GRIN1: variants seen among roughly 807,000 people sequenced by gnomAD.
The protein encoded by GRIN1 is glutamate ionotropic receptor NMDA type subunit 1.
In GRIN1, 38 loss-of-function variants were observed where a neutral mutation model predicts 103.0. The observed-to-expected ratio is 0.37, with a 90% CI of 0.28 to 0.48. GRIN1 has a LOEUF of 0.48. Among genes scored for constraint, GRIN1 ranks in the 20% least tolerant of loss-of-function variants. The pLI is 0.98. For missense variants in GRIN1, 577 were observed against 1,288.9 expected (o/e 0.45, Z 8.46); for synonymous variants, 544 against 532.7 (o/e 1.02, Z -0.29).
In GRIN1 at chr9:137,163,565, C is replaced by T. The variant is rs1289206449; in HGVS notation, c.2340C>T (p.His780=). The change falls in exon 17 of 20, where the codon CAC becomes CAT. Residue 780 remains histidine (H), a synonymous_variant. Transcript: ENST00000371561. The part of the protein sequence containing the change: ...QNVSLSILKS[H]ENGFMEDLDK... Reference sequence around the variant, plus strand: ...CACTTGTTCCCACCGCCAGGTCCCACGAGAATGGCTTCATGGAAGACCTGG... The same window carrying T: ...CACTTGTTCCCACCGCCAGGTCCCATGAGAATGGCTTCATGGAAGACCTGG... The T allele has an allele frequency of 1.9e-6, 3 of 1,610,904 alleles. No homozygotes were observed. Among genetic ancestry groups the T allele is most frequent in the East Asian group, 4.5e-5 (2 of 44,854 alleles).
In GRIN1 at chr9:137,166,987, C is replaced by A. The variant is rs1208149474; in HGVS notation, c.2701-424C>A. ...GTGACACTGGGTCCCAGGGCCCTGC[C>A]TGGAGCGAGGCCAGGTGCAGCTCAG... On this transcript the variant is annotated intron_variant, in intron 19 of 19. Coordinates refer to ENST00000371561, the MANE Select transcript of GRIN1 (RefSeq NM_007327.4). Among the ~76,000 whole-genome samples the A allele has an allele frequency of 3.3e-5, 5 of 152,188 alleles. No individual in the cohort carries two copies. The South Asian group carries it at 1.0e-3, about 31-fold the overall frequency.
rs79522155 is a variant in GRIN1, at chr9:137,143,265, C to G, written c.393+1118C>G. The stretch of plus-strand genomic sequence containing the variant: ...TCGCCCCAGCCAGGCCCAGGCTCTT[C>G]TGGGAGGATGGAAGGCCCCAGAGGC... On this transcript the variant is annotated intron_variant, in intron 2 of 19. Transcript: ENST00000371561. Among the ~76,000 whole-genome samples the G allele has an allele frequency of 4.2e-3, 639 of 152,378 alleles. 4 individuals are homozygous for G. Among genetic ancestry groups the G allele is most frequent in the African/African-American group, 0.015 (613 of 41,596 alleles).
At chr9:137,147,087 C>G (rs1444319855) in intron 3 of GRIN1, among the ~76,000 whole-genome samples, 1 of 151,424 alleles carries the variant, frequency 6.6e-6, no homozygotes, top group African/African-American at 2.4e-5. Context: ...CTCGACAGGC[C>G]CCTCACCTTC....
intron 2 of GRIN1, among the ~76,000 whole-genome samples, chr9:137,143,657 C>T (rs1386817421): frequency 6.6e-6 from 1 of 152,232 alleles, no homozygotes; most frequent in Non-Finnish European, 1.5e-5. Context: ...ACCGGCAAGG[C>T]CAGGTCAGAG....
At chr9:137,143,720 TAGAC>T (rs1287584903) in intron 2 of GRIN1, among the ~76,000 whole-genome samples, 2 of 152,170 alleles carry the variant, frequency 1.3e-5, no homozygotes, top group East Asian at 1.9e-4. Context: ...ACCAGGTGGA[TAGAC>T]AGAAGCAGGG....
At chr9:137,164,978 CA>C in intron 18 of GRIN1, 1 of 571,974 alleles carries the variant, frequency 1.7e-6, no homozygotes, top group African/African-American at 1.9e-5. Flanking sequence ...CCAGCCCCAG[CA>C]CGAGCAAGGT....
intron 4 of GRIN1, 150 bp from the exon 5 acceptor site, chr9:137,156,519 C>A: frequency 8.8e-7 from 1 of 1,136,746 alleles, no homozygotes; most frequent in Non-Finnish European, 1.2e-6. Flanking sequence ...GGGTTCTGGG[C>A]CGCAGCGCCT....
chr9:137,166,686 G>C (rs1401284450), intron 19 of GRIN1, among the ~76,000 whole-genome samples: 1 of 152,266 alleles, frequency 6.6e-6, no homozygotes, highest in Non-Finnish European at 1.5e-5. Context: ...TGGACAGTGA[G>C]AGCCTGTAGG....
At chr9:137,141,647 G>C (rs1454865379) in intron 1 of GRIN1, among the ~76,000 whole-genome samples, 32 of 152,114 alleles carry the variant, frequency 2.1e-4, no homozygotes, top group Non-Finnish European at 4.4e-5. Context: ...AGGACGGGTG[G>C]GTTCTGAGAA....
At chr9:137,163,466 T>G in intron 16 of GRIN1, 93 bp from the exon 17 acceptor site, 1 of 1,380,612 alleles carries the variant, frequency 7.2e-7, no homozygotes, top group Non-Finnish European at 1.0e-6. Flanking sequence ...CGCCGCACCC[T>G]ACCCCGCAGG....
intron 3 of GRIN1, among the ~76,000 whole-genome samples, chr9:137,147,295 C>T (rs1233577988): frequency 1.3e-5 from 2 of 151,692 alleles, no homozygotes; most frequent in Non-Finnish European, 2.9e-5. Context: ...CTCACACACA[C>T]ACCTGGACAC....
chr9:137,160,444 T>C (rs1833468730), intron 8 of GRIN1, among the ~76,000 whole-genome samples: 1 of 152,050 alleles, frequency 6.6e-6, no homozygotes, highest in African/African-American at 2.4e-5. Context: ...GTCTTTTTTT[T>C]TTTGAGACAG....
In GRIN1 at chr9:137,167,636, G is replaced by A. The variant is rs1458891261; in HGVS notation, c.*109G>A. 6.6e-7 allele frequency: 1 copy of A among 1,511,920 alleles called. No homozygotes were observed. The highest frequency in any genetic ancestry group is 1.4e-5 in the African/African-American group (1 of 71,666). The allele number at this position is 1,511,920 out of a possible 1,614,324, so 93.7% of individuals were successfully genotyped here. A position where few individuals can be genotyped will look rare whatever the true frequency, so the allele number is the denominator to read the frequency against. ...CCCGGAGCACCACGGGGTCGGGGGA[G>A]GAGCACCCCCAGCCTCCCCCAGGCT... On this transcript the variant is annotated 3_prime_UTR_variant, in exon 20 of 20. Transcript: ENST00000371561.
chr9:137,141,815 G>C (rs866889053), intron 1 of GRIN1, among the ~76,000 whole-genome samples, 198 bp from the exon 2 acceptor site: 10 of 152,284 alleles, frequency 6.6e-5, no homozygotes, highest in Non-Finnish European at 7.4e-5. Flanking sequence ...GGAGTGAGGG[G>C]AGGTCCGGGT....
chr9:137,161,880 G>T, intron 10 of GRIN1, 44 bp from the exon 11 acceptor site: 1 of 1,543,870 alleles, frequency 6.5e-7, no homozygotes, highest in South Asian at 1.2e-5. Context: ...GGCGGGAGCT[G>T]GGAGGACGCT....
At chr9:137,141,153 C>G (rs1021548030) in intron 1 of GRIN1, among the ~76,000 whole-genome samples, 1 of 152,206 alleles carries the variant, frequency 6.6e-6, no homozygotes, top group Non-Finnish European at 1.5e-5. Flanking sequence ...CGGAACACAC[C>G]CCCGGCCAGG....
chr9:137,168,093 G>GC lies in GRIN1; in HGVS notation c.*569dup. On this transcript the variant is annotated 3_prime_UTR_variant, in exon 20 of 20. Coordinates refer to ENST00000371561, the MANE Select transcript of GRIN1 (RefSeq NM_007327.4). ...CGCAGGGCGCTCCGGCAGAGGCAGG[G>GC]CCCTGGGGTCTCTGAGCAGTGGGGA... 3.4e-6 allele frequency: 2 copies of GC among 582,654 alleles called. No homozygotes were observed. The highest frequency in any genetic ancestry group is 6.1e-6 in the Non-Finnish European group (2 of 328,558). 36.1% of individuals were successfully genotyped at this position (582,654 alleles called of 1,614,324 possible).
intron 4 of GRIN1, among the ~76,000 whole-genome samples, chr9:137,150,794 A>AC (rs1832816768): frequency 1.9e-4 from 14 of 73,496 alleles, no homozygotes; most frequent in South Asian, 4.9e-4. Flanking sequence ...CAGAAAAAAG[A>AC]CCGCCCAGGG....
chr9:137,149,785 C>T (rs537406940), intron 4 of GRIN1, among the ~76,000 whole-genome samples: 2 of 152,162 alleles, frequency 1.3e-5, no homozygotes, highest in African/African-American at 4.8e-5. Flanking sequence ...CAGCCAAAAC[C>T]CCACTGTCCC....
Sources: gnomAD v4.1 joint callset for allele counts (sites outside exome capture counted in the v4.1 genomes callset) on GRCh38, gnomAD v4.1.1 for gene constraint, MANE v1.5 for transcripts, NCBI Gene and HGNC (gene_info 2026-07-23, HGNC 2026-07-21) for gene names.